Variants in SGCZ observed in about 807,000 individuals in gnomAD.
SGCZ encodes zeta-sarcoglycan.
In SGCZ, 40 loss-of-function variants were observed where a neutral mutation model predicts 41.3. The ratio of observed to expected loss-of-function variants is 0.97; its 90% CI spans 0.75 to 1.26. SGCZ has a LOEUF of 1.26. Ranked by LOEUF, SGCZ falls within the 50% of genes most tolerant of loss-of-function variation. SGCZ has a pLI of 0.00. For missense variants in SGCZ, 552 were observed against 369.8 expected, an observed-to-expected ratio of 1.49 and a Z score of -4.04; for synonymous variants, 206 against 137.5, an observed-to-expected ratio of 1.50 and a Z score of -3.49.
At chr8:14,796,977 C>A (rs1202225019) in intron 1 of SGCZ, among the ~76,000 whole-genome samples, 5 of 152,210 alleles carry the variant, frequency 3.3e-5, no homozygotes, top group African/African-American at 1.2e-4. Context: ...GATGCCTCCC[C>A]AGCCGTGCTG....
Position 14,751,169 on chromosome 8 carries a change from CTT to C in SGCZ, c.40-196245_40-196244del, listed in dbSNP as rs969102696. Among the ~76,000 whole-genome samples, 52 of 152,114 alleles carry C rather than the reference CTT, an allele frequency of 3.4e-4. 1 individual carries two copies. The highest frequency in any genetic ancestry group is 3.4e-3 in the Middle Eastern group (1 of 294). Reference sequence around the variant, plus strand: ...ATTTATTATTAATATATTTTTATATCTTGTTTAAATCAGGAATATAGTTCGTA... The same window carrying C: ...ATTTATTATTAATATATTTTTATATCGTTTAAATCAGGAATATAGTTCGTA... On this transcript the variant is annotated intron_variant, in intron 1 of 7. Transcript: ENST00000382080.
intron 1 of SGCZ, among the ~76,000 whole-genome samples, chr8:14,828,212 C>A (rs1229371122): frequency 6.6e-6 from 1 of 152,074 alleles, no homozygotes; most frequent in East Asian, 1.9e-4. Context: ...AAGAAATGAC[C>A]AGTTTACAAG....
intron 1 of SGCZ, among the ~76,000 whole-genome samples, chr8:14,953,629 G>A (rs968940771): frequency 3.9e-5 from 6 of 151,946 alleles, no homozygotes; most frequent in African/African-American, 7.3e-5. Context: ...GTAGTTCTCC[G>A]GTTCATTTCA....
At chr8:14,308,296 G>A (rs1801412697) in intron 3 of SGCZ, among the ~76,000 whole-genome samples, 1 of 152,106 alleles carries the variant, frequency 6.6e-6, no homozygotes, top group South Asian at 2.1e-4. Flanking sequence ...GACAATAAGT[G>A]ATAGGCCTTA....
At chr8:15,127,251 CACACAAACAA>C (rs66716379) in intron 1 of SGCZ, among the ~76,000 whole-genome samples, 93,786 of 127,878 alleles carry the variant, frequency 0.73, 32,029 homozygotes, top group Non-Finnish European at 0.81. Context: ...CACACACACA[CACACAAACAA>C]ACACACACAC....
chr8:14,919,190 G>A (rs1006375542), intron 1 of SGCZ, among the ~76,000 whole-genome samples: 8 of 152,250 alleles, frequency 5.3e-5, no homozygotes, highest in Admixed American at 2.6e-4. Context: ...TGTAACCCCC[G>A]CACTTTGGGA....
intron 2 of SGCZ, among the ~76,000 whole-genome samples, chr8:14,475,875 A>G (rs765168631): frequency 6.6e-6 from 1 of 151,994 alleles, no homozygotes; most frequent in Non-Finnish European, 1.5e-5. Context: ...TGTCTGTGTC[A>G]CTCAGGCTGG....
chr8:15,050,994 T>G (rs567429319), intron 1 of SGCZ, among the ~76,000 whole-genome samples: 28 of 152,320 alleles, frequency 1.8e-4, no homozygotes, highest in African/African-American at 6.7e-4. Context: ...TCAAGAAACA[T>G]CACATATTTG....
At chr8:14,976,162 C>A (rs1801472546) in intron 1 of SGCZ, among the ~76,000 whole-genome samples, 1 of 151,868 alleles carries the variant, frequency 6.6e-6, no homozygotes, top group East Asian at 1.9e-4. Flanking sequence ...AGCTGGGATA[C>A]AGGCGCTCAC....
intron 1 of SGCZ, among the ~76,000 whole-genome samples, chr8:14,633,984 C>G (rs953686744): frequency 2.6e-5 from 4 of 151,756 alleles, no homozygotes; most frequent in African/African-American, 9.7e-5. Flanking sequence ...GGTTGAGATC[C>G]AAGACTACCA....
At chr8:14,200,821 G>A (rs996223072) in intron 4 of SGCZ, among the ~76,000 whole-genome samples, 3 of 152,076 alleles carry the variant, frequency 2.0e-5, no homozygotes, top group Admixed American at 1.3e-4. Flanking sequence ...TTTAAAAGCT[G>A]CTCTTTAAAA....
At chr8:15,191,560 C>A (rs993472393) in intron 1 of SGCZ, among the ~76,000 whole-genome samples, 1 of 151,390 alleles carries the variant, frequency 6.6e-6, no homozygotes, top group African/African-American at 2.4e-5. Context: ...TAACATATCT[C>A]CACTAATTCA....
chr8:14,192,856 C>T (rs1805147728), intron 4 of SGCZ, among the ~76,000 whole-genome samples: 1 of 151,938 alleles, frequency 6.6e-6, no homozygotes, highest in Non-Finnish European at 1.5e-5. Flanking sequence ...TGTAATAGAA[C>T]ATGAAATAAT....
chr8:15,114,729 G>A (rs1807203002), intron 1 of SGCZ, among the ~76,000 whole-genome samples: 1 of 151,102 alleles, frequency 6.6e-6, no homozygotes, highest in Non-Finnish European at 1.5e-5. Context: ...CTCAATCCTG[G>A]AATCGAGATA....
At chr8:14,580,393 G>A (rs1308912071) in intron 1 of SGCZ, among the ~76,000 whole-genome samples, 1 of 152,110 alleles carries the variant, frequency 6.6e-6, no homozygotes, top group African/African-American at 2.4e-5. Context: ...TAAATGGAAG[G>A]ATTTAATAAT....
chr8:14,949,170 T>G (rs186152824), intron 1 of SGCZ, among the ~76,000 whole-genome samples: 3 of 152,228 alleles, frequency 2.0e-5, no homozygotes, highest in Admixed American at 2.0e-4. Context: ...ATATACTAAG[T>G]GTTTTAGCTG....
At chr8:15,168,770 T>G (rs576776247) in intron 1 of SGCZ, among the ~76,000 whole-genome samples, 2 of 152,342 alleles carry the variant, frequency 1.3e-5, no homozygotes, top group African/African-American at 4.8e-5. Context: ...TTTCTTCAGT[T>G]AGGCAATTGT....
At chr8:14,227,757 T>C (rs977304499) in intron 4 of SGCZ, among the ~76,000 whole-genome samples, 2 of 152,118 alleles carry the variant, frequency 1.3e-5, no homozygotes, top group African/African-American at 4.8e-5. Flanking sequence ...CATTTTCTCC[T>C]CTTCCTTTGC....
chr8:15,180,222 A>G (rs1465122400), intron 1 of SGCZ, among the ~76,000 whole-genome samples: 2 of 151,990 alleles, frequency 1.3e-5, no homozygotes, highest in Non-Finnish European at 2.9e-5. Flanking sequence ...TAATCCACAC[A>G]TGTTCTCCCC....
Sources: allele counts gnomAD v4.1 joint callset (sites outside exome capture counted in the v4.1 genomes callset), GRCh38; gene constraint gnomAD v4.1.1; transcripts MANE v1.5; gene names NCBI Gene and HGNC (gene_info 2026-07-23, HGNC 2026-07-21).